The following P2RX5 variants were observed in gnomAD, a reference collection of about 807,000 sequenced individuals.
P2RX5 encodes P2X purinoceptor 5.
A neutral mutation model predicts 54.1 loss-of-function variants in P2RX5; 46 were observed. The ratio of observed to expected loss-of-function variants is 0.85; its 90% CI spans 0.67 to 1.09. P2RX5 has a LOEUF of 1.09. Ranked by LOEUF, P2RX5 falls within the 50% of genes least tolerant of loss-of-function variation. P2RX5 has a pLI of 0.00. For missense variants in P2RX5, 566 were observed against 549.8 expected, an observed-to-expected ratio of 1.03 and a Z score of -0.29; for synonymous variants, 226 against 226.4, an observed-to-expected ratio of 1.00 and a Z score of 0.02.
At chr17:3,695,743 A>T in intron 1 of P2RX5, 126 bp downstream of exon 1, 1 of 1,181,222 alleles carries the variant, frequency 8.5e-7, no homozygotes, top group Non-Finnish European at 1.3e-6. Context: ...AAGCAGGCTC[A>T]CAGACCCCCA....
upstream of P2RX5, among the ~76,000 whole-genome samples, chr17:3,699,930 GAAAGAA>G (rs2050806658): frequency 1.3e-4 from 11 of 86,766 alleles, no homozygotes; most frequent in African/African-American, 3.6e-4. Flanking sequence ...AAGAAAGAAA[GAAAGAA>G]AGAAAGAAAG....
the P2RX5 span, among the ~76,000 whole-genome samples, chr17:3,702,980 T>G: frequency 6.6e-6 from 1 of 152,170 alleles, no homozygotes; most frequent in East Asian, 1.9e-4. Context: ...GACTCCCAAA[T>G]GTATCCAGTA....
chr17:3,708,417 T>C, the P2RX5 span, among the ~76,000 whole-genome samples: 1 of 151,056 alleles, frequency 6.6e-6, no homozygotes, highest in African/African-American at 2.4e-5. Context: ...ACCAGGGTCA[T>C]GTTGTTTGAA....
At chr17:3,700,684 G>A (rs2050810977), upstream of P2RX5, among the ~76,000 whole-genome samples, 1 of 152,210 alleles carries the variant, frequency 6.6e-6, no homozygotes. Context: ...CCATGTTGGA[G>A]GGGGCCTAGT....
chr17:3,694,990 G>C (rs2050716263), intron 1 of P2RX5, among the ~76,000 whole-genome samples: 1 of 152,210 alleles, frequency 6.6e-6, no homozygotes. Flanking sequence ...GGTGGGAGGC[G>C]GCCAGGGGCC....
chr17:3,692,899 A>G (rs545216999), intron 1 of P2RX5, among the ~76,000 whole-genome samples: 1 of 152,296 alleles, frequency 6.6e-6, no homozygotes, highest in East Asian at 1.9e-4. Context: ...GCAAGCAATA[A>G]AAGAAAAAAT....
chr17:3,703,823 G>A, the P2RX5 span, among the ~76,000 whole-genome samples: 8 of 152,134 alleles, frequency 5.3e-5, no homozygotes, highest in Admixed American at 2.6e-4. Context: ...AACCCCAGCC[G>A]GGCATGGTGG....
At chr17:3,704,783 G>A in the P2RX5 span, among the ~76,000 whole-genome samples, 2 of 152,358 alleles carry the variant, frequency 1.3e-5, no homozygotes, top group South Asian at 4.1e-4. Context: ...GAGGTGGACG[G>A]ATCACCTGAG....
At position 3,694,963 on chromosome 17, in the gene P2RX5, G is replaced by GCCTA. The variant is rs567845648; in HGVS notation, c.137+902_137+905dup. Among the ~76,000 whole-genome samples, 10 of 152,314 alleles carry GCCTA rather than the reference G, an allele frequency of 6.6e-5. No individual in the cohort carries two copies. In the South Asian group the frequency reaches 1.7e-3, roughly 25 times the overall value. ...AGGCCTGGCTGAGCAACAGCACAGCGCCTACGAGGCCGCTCAGGTGGGAGG... is the reference window on the plus strand; with the variant it reads ...AGGCCTGGCTGAGCAACAGCACAGCGCCTACCTACGAGGCCGCTCAGGTGGGAGG... On this transcript the variant is annotated intron_variant, in intron 1 of 11. Coordinates refer to ENST00000225328, the MANE Select transcript of P2RX5 (RefSeq NM_002561.4).
chr17:3,688,920 G>A (rs149813041), intron 7 of P2RX5, among the ~76,000 whole-genome samples, 161 bp from the exon 8 acceptor site: 6 of 152,318 alleles, frequency 3.9e-5, no homozygotes, highest in East Asian at 1.9e-4. Flanking sequence ...CCCATGGAGC[G>A]GCTGAGAACA....
At chr17:3,692,362 C>T (rs2050643394) in intron 1 of P2RX5, among the ~76,000 whole-genome samples, 2 of 152,152 alleles carry the variant, frequency 1.3e-5, no homozygotes, top group South Asian at 2.1e-4. Flanking sequence ...GACCACTGTC[C>T]ACTCAGAGGC....
the P2RX5 span, among the ~76,000 whole-genome samples, chr17:3,713,484 C>T: frequency 6.6e-6 from 1 of 152,192 alleles, no homozygotes; most frequent in African/African-American, 2.4e-5. Flanking sequence ...GGCGCGGTGG[C>T]TCATGCCTGT....
At chr17:3,710,153 G>A in the P2RX5 span, among the ~76,000 whole-genome samples, 6 of 152,030 alleles carry the variant, frequency 3.9e-5, no homozygotes, top group African/African-American at 1.4e-4. Flanking sequence ...GAGGCCGGGC[G>A]TGGCGGCTCA....
At chr17:3,721,612 C>G in the P2RX5 span, 2 of 152,048 alleles carry the variant, frequency 1.3e-5, no homozygotes, top group Non-Finnish European at 2.9e-5. Context: ...GTATCTGTCC[C>G]TTTCTTTTCC....
At chr17:3,699,872 AG>A (rs2050803777), upstream of P2RX5, among the ~76,000 whole-genome samples, 6 of 36,016 alleles carry the variant, frequency 1.7e-4, no homozygotes, top group Non-Finnish European at 4.2e-4. Context: ...AAAGAAAGAA[AG>A]AAAGGAAGGA....
At chr17:3,719,002 C>T in the P2RX5 span, among the ~76,000 whole-genome samples, 3 of 152,014 alleles carry the variant, frequency 2.0e-5, no homozygotes, top group South Asian at 2.1e-4. Flanking sequence ...GAGGTCAAGG[C>T]GGGCAGATCA....
At chr17:3,679,857 C>A in intron 10 of P2RX5, 73 bp from the exon 11 acceptor site, 1 of 1,341,976 alleles carries the variant, frequency 7.5e-7, no homozygotes, top group Non-Finnish European at 1.0e-6. Context: ...GCGGAGTGGG[C>A]CTTGAAGAAT....
At chr17:3,681,766 TCTC>T (rs1156833979) in intron 10 of P2RX5, 127 bp downstream of exon 10, 18 of 722,100 alleles carry the variant, frequency 2.5e-5, no homozygotes, top group East Asian at 2.1e-4. Flanking sequence ...TCAGAACACT[TCTC>T]CTCCCCGGGC....
upstream of P2RX5, among the ~76,000 whole-genome samples, chr17:3,696,574 C>A (rs1389036917): frequency 1.3e-5 from 2 of 152,190 alleles, no homozygotes; most frequent in South Asian, 2.1e-4. Flanking sequence ...CCTGCCTCAG[C>A]CTCCCAAGTA....
Sources: gnomAD v4.1 joint callset for allele counts (sites outside exome capture counted in the v4.1 genomes callset) on GRCh38, gnomAD v4.1.1 for gene constraint, MANE v1.5 for transcripts, NCBI Gene and HGNC (gene_info 2026-07-23, HGNC 2026-07-21) for gene names.